Variants in NEXMIF observed in about 807,000 individuals in gnomAD.
The protein encoded by NEXMIF is XLMR protein related to neurite extension.
In NEXMIF, 8 loss-of-function variants were observed where a neutral mutation model predicts 62.1. The ratio of observed to expected loss-of-function variants is 0.13; its 90% CI spans 0.08 to 0.23. NEXMIF has a LOEUF of 0.23. Among genes scored for constraint, NEXMIF ranks in the 10% least tolerant of loss-of-function variants. The pLI is 1.00. For synonymous variants in NEXMIF, 404 were observed against 416.6 expected, an observed-to-expected ratio of 0.97 and a Z score of 0.37; for missense variants, 976 against 1,113.3, an observed-to-expected ratio of 0.88 and a Z score of 1.75.
intron 1 of NEXMIF, among the ~76,000 whole-genome samples, chrX:74,793,795 C>T (rs1366453585): frequency 4.8e-5 from 4 of 82,829 alleles, no homozygotes; most frequent in Admixed American, 1.4e-4. Context: ...GCATTCTTCA[C>T]GTAGTTCTCG....
intron 1 of NEXMIF, among the ~76,000 whole-genome samples, chrX:74,825,558 T>A (rs769745918): frequency 2.7e-5 from 3 of 112,194 alleles, no homozygotes; most frequent in African/African-American, 9.7e-5. Flanking sequence ...AAGTACATGA[T>A]CTTGTTCTTT....
chrX:74,876,227 T>C (rs922954691), intron 1 of NEXMIF, among the ~76,000 whole-genome samples: 4 of 111,553 alleles, frequency 3.6e-5, no homozygotes, highest in Non-Finnish European at 7.5e-5. Flanking sequence ...CATCTTTATT[T>C]CTGCCTTCGT....
chrX:74,876,741 T>C (rs754763870), intron 1 of NEXMIF, among the ~76,000 whole-genome samples: 1 of 101,915 alleles, frequency 9.8e-6, no homozygotes, highest in South Asian at 5.0e-4. Context: ...TTTACCATTA[T>C]GTAATGGCCT....
intron 1 of NEXMIF, among the ~76,000 whole-genome samples, chrX:74,747,177 C>G (rs757872720): frequency 2.9e-4 from 33 of 111,943 alleles, no homozygotes; most frequent in Non-Finnish European, 5.1e-4. Flanking sequence ...TTTTGCCCCT[C>G]CACTAAGTCC....
intron 1 of NEXMIF, among the ~76,000 whole-genome samples, chrX:74,909,894 C>A (rs766197690): frequency 1.8e-5 from 2 of 112,431 alleles, no homozygotes; most frequent in South Asian, 3.7e-4. Flanking sequence ...GCAGCTTCCA[C>A]GTGGTGTTGA....
At chrX:74,745,076 G>T (rs1302611084) in intron 2 of NEXMIF, among the ~76,000 whole-genome samples, 2 of 109,268 alleles carry the variant, frequency 1.8e-5, no homozygotes, top group African/African-American at 3.3e-5. Context: ...CCATCTCCTG[G>T]GTTCAAGTGA....
Position 74,741,779 on chromosome X carries a change from A to G in NEXMIF, c.2778T>C (p.Asn926=). The G allele has an allele frequency of 8.3e-7, 1 of 1,211,491 alleles. No homozygotes were observed. Among genetic ancestry groups the G allele is most frequent in the African/African-American group, 1.7e-5 (1 of 57,690 alleles). ...FGASQVVSME[N]NLTPTTYNPI... is the part of the protein sequence containing the mutation. The stretch of plus-strand genomic sequence containing the variant: ...GATTGTATGTTGTAGGTGTGAGGTT[A>G]TTTTCCATGGAGACTACTTGGGAGG... Residue 926 remains asparagine (N), a synonymous_variant, in exon 3 of 4, where the codon AAT becomes AAC. Coordinates refer to ENST00000055682, the MANE Select transcript of NEXMIF (RefSeq NM_001008537.3).
chrX:74,870,596 T>C (rs975338295), intron 1 of NEXMIF, among the ~76,000 whole-genome samples: 2 of 111,618 alleles, frequency 1.8e-5, no homozygotes, highest in Non-Finnish European at 3.8e-5. Flanking sequence ...AACCAGAATA[T>C]ATAAGGAGCT....
chrX:74,781,179 C>A (rs186570993), intron 1 of NEXMIF, among the ~76,000 whole-genome samples: 1 of 111,993 alleles, frequency 8.9e-6, no homozygotes, highest in Non-Finnish European at 1.9e-5. Flanking sequence ...CAGCTTTTGG[C>A]ATCGTTACAA....
chrX:74,769,639 C>T (rs948987499), intron 1 of NEXMIF: 27 of 660,732 alleles, frequency 4.1e-5, no homozygotes, highest in African/African-American at 2.0e-4. Context: ...TCACGGTATC[C>T]GAACTTTGTA....
chrX:74,796,125 T>TTA (rs1206313820), intron 1 of NEXMIF, among the ~76,000 whole-genome samples: 14 of 76,542 alleles, frequency 1.8e-4, no homozygotes, highest in African/African-American at 6.6e-4. Flanking sequence ...ATATATATAT[T>TTA]TATATATAAT....
intron 1 of NEXMIF, among the ~76,000 whole-genome samples, chrX:74,863,027 C>T (rs1400552883): frequency 1.2e-4 from 13 of 110,039 alleles, no homozygotes; most frequent in Admixed American, 2.9e-4. Flanking sequence ...CAAAACTTAG[C>T]CGGGTGTGGT....
intron 1 of NEXMIF, among the ~76,000 whole-genome samples, chrX:74,875,419 C>G (rs1254002575): frequency 8.9e-6 from 1 of 111,959 alleles, no homozygotes; most frequent in Admixed American, 9.5e-5. Context: ...AGGATTTTTG[C>G]ATCAATGTTC....
rs1335768110 is a variant in NEXMIF, at chrX:74,886,860, G to A, written c.-48+38023C>T. On this transcript the variant is annotated intron_variant, in intron 1 of 3. Transcript: ENST00000055682. ...TCACCAAGTCAATCCTAAGCCAAAA[G>A]AACAAAGCTGGAGGCATCACGCTAC... Among the ~76,000 whole-genome samples, 6 of 104,653 alleles carry A rather than the reference G, an allele frequency of 5.7e-5. 1 individual carries two copies. The highest frequency in any genetic ancestry group is 2.4e-4 in the African/African-American group (6 of 24,986). The allele number at this position is 104,653 out of a possible 115,157, so 90.9% of individuals were successfully genotyped here. A position where few individuals can be genotyped will look rare whatever the true frequency, so the allele number is the denominator to read the frequency against.
At chrX:74,916,330 C>T (rs1031403499) in intron 1 of NEXMIF, among the ~76,000 whole-genome samples, 1 of 111,772 alleles carries the variant, frequency 8.9e-6, no homozygotes, top group African/African-American at 3.3e-5. Context: ...GCTAGAGATA[C>T]CTATTTGCCA....
At chrX:74,924,407 G>C (rs780897965) in intron 1 of NEXMIF, among the ~76,000 whole-genome samples, 1 of 113,241 alleles carries the variant, frequency 8.8e-6, no homozygotes, top group Non-Finnish European at 1.9e-5. Context: ...GGTCGCCACG[G>C]CCGCCCGGCT....
At chrX:74,872,624 T>C (rs966566071) in intron 1 of NEXMIF, among the ~76,000 whole-genome samples, 4 of 109,591 alleles carry the variant, frequency 3.6e-5, no homozygotes, top group Non-Finnish European at 5.7e-5. Context: ...AGTCACAATA[T>C]TTACTATATT....
intron 1 of NEXMIF, among the ~76,000 whole-genome samples, chrX:74,783,058 T>A (rs2080251256): frequency 9.0e-6 from 1 of 111,181 alleles, no homozygotes; most frequent in South Asian, 3.7e-4. Context: ...TAGAGTCTAA[T>A]AAATGATATA....
intron 1 of NEXMIF, among the ~76,000 whole-genome samples, chrX:74,770,175 A>C (rs945119293): frequency 1.8e-5 from 2 of 111,598 alleles, no homozygotes; most frequent in African/African-American, 6.5e-5. Context: ...CTATCACTTA[A>C]CCTCATTTGA....
Sources: allele counts gnomAD v4.1 joint callset (sites outside exome capture counted in the v4.1 genomes callset), GRCh38; gene constraint gnomAD v4.1.1; transcripts MANE v1.5; gene names NCBI Gene and HGNC (gene_info 2026-07-23, HGNC 2026-07-21).